Variants in EDIL3 observed in about 807,000 individuals in gnomAD.
EDIL3 encodes the protein EGF-like repeat and discoidin I-like domain-containing protein 3.
A neutral mutation model predicts 67.4 loss-of-function variants in EDIL3; 37 were observed. The ratio of observed to expected loss-of-function variants is 0.55; its 90% confidence interval spans 0.42 to 0.72. The LOEUF is 0.72. Among genes scored for constraint, EDIL3 ranks in the 30% least tolerant of loss-of-function variants. EDIL3 has a pLI of 0.00. For missense variants in EDIL3, 527 were observed against 586.3 expected (o/e 0.90, Z 1.04); for synonymous variants, 195 against 196.3 (o/e 0.99, Z 0.05).
At chr5:84,214,593 A>C (rs949585484) in intron 3 of EDIL3, among the ~76,000 whole-genome samples, 1 of 152,174 alleles carries the variant, frequency 6.6e-6, no homozygotes, top group Non-Finnish European at 1.5e-5. Flanking sequence ...CCTGTAATTT[A>C]CAGCATCTTT....
chr5:84,164,892 C>T (rs1649362673), intron 4 of EDIL3, among the ~76,000 whole-genome samples: 2 of 151,954 alleles, frequency 1.3e-5, no homozygotes, highest in Admixed American at 1.3e-4. Context: ...AAGTAGAAAT[C>T]CTAGGAGCGT....
intron 3 of EDIL3, among the ~76,000 whole-genome samples, chr5:84,184,776 T>C (rs1420901945): frequency 1.3e-5 from 2 of 152,206 alleles, no homozygotes; most frequent in Non-Finnish European, 2.9e-5. Context: ...TCCAGCAATC[T>C]TGGGGCAGCC....
chr5:84,291,821 A>G (rs947218349), intron 1 of EDIL3, among the ~76,000 whole-genome samples: 1 of 148,106 alleles, frequency 6.8e-6, no homozygotes, highest in Non-Finnish European at 1.5e-5. Flanking sequence ...ACACATATAT[A>G]TACACACACA....
intron 5 of EDIL3, among the ~76,000 whole-genome samples, chr5:84,120,878 T>A (rs555709363): frequency 6.6e-6 from 1 of 151,690 alleles, no homozygotes; most frequent in South Asian, 2.1e-4. Flanking sequence ...GTAAAAAAAA[T>A]ATGAAAAGGA....
chr5:84,305,191 C>T (rs1243346031), intron 1 of EDIL3, among the ~76,000 whole-genome samples: 2 of 152,074 alleles, frequency 1.3e-5, no homozygotes, highest in Non-Finnish European at 2.9e-5. Context: ...CAGATTTCAC[C>T]CTTTTGTGAT....
intron 3 of EDIL3, among the ~76,000 whole-genome samples, chr5:84,187,575 T>A (rs1743491720): frequency 1.3e-5 from 2 of 152,112 alleles, no homozygotes; most frequent in Non-Finnish European, 2.9e-5. Context: ...GCATAGTTTT[T>A]ACTAGTTGTT....
intron 2 of EDIL3, among the ~76,000 whole-genome samples, chr5:84,236,330 C>T (rs1448706068): frequency 6.6e-6 from 1 of 152,218 alleles, no homozygotes; most frequent in East Asian, 1.9e-4. Context: ...AGGACAAATT[C>T]TCTTACTTAA....
intron 3 of EDIL3, among the ~76,000 whole-genome samples, chr5:84,189,517 A>G (rs1021614138): frequency 2.0e-5 from 3 of 152,048 alleles, no homozygotes; most frequent in Non-Finnish European, 4.4e-5. Flanking sequence ...GACTTTAAAG[A>G]AAATTAATAA....
At chr5:84,160,083 T>C (rs1158186495) in intron 4 of EDIL3, among the ~76,000 whole-genome samples, 2 of 152,152 alleles carry the variant, frequency 1.3e-5, no homozygotes, top group Non-Finnish European at 2.9e-5. Context: ...AATAGTCACA[T>C]TGTGATAAAA....
intron 6 of EDIL3, among the ~76,000 whole-genome samples, chr5:84,067,347 C>T (rs1349066177): frequency 6.6e-6 from 1 of 151,994 alleles, no homozygotes; most frequent in African/African-American, 2.4e-5. Context: ...ATAGAGATAT[C>T]TTTTTGACAC....
At chr5:84,142,390 CT>C (rs1246558056) in intron 4 of EDIL3, among the ~76,000 whole-genome samples, 1 of 151,938 alleles carries the variant, frequency 6.6e-6, no homozygotes, top group Non-Finnish European at 1.5e-5. Context: ...TCTCTGGAGA[CT>C]TTTAAAACTA....
chr5:84,107,673 T>C (rs943354863), intron 5 of EDIL3, among the ~76,000 whole-genome samples: 20 of 150,988 alleles, frequency 1.3e-4, no homozygotes, highest in African/African-American at 3.6e-4. Context: ...TCAAATGATA[T>C]GTTCTCAGAT....
chr5:84,198,453 C>T (rs1047857416), intron 3 of EDIL3, among the ~76,000 whole-genome samples: 9 of 151,858 alleles, frequency 5.9e-5, no homozygotes, highest in African/African-American at 1.9e-4. Context: ...CATATATATG[C>T]CTATATACAT....
chr5:84,221,948 C>A (rs1209197117), intron 3 of EDIL3, among the ~76,000 whole-genome samples: 1 of 151,850 alleles, frequency 6.6e-6, no homozygotes, highest in Non-Finnish European at 1.5e-5. Context: ...AATCAGAATG[C>A]ACAACCAACC....
At chr5:84,055,513 G>C (rs1419273987) in intron 9 of EDIL3, among the ~76,000 whole-genome samples, 1 of 151,012 alleles carries the variant, frequency 6.6e-6, no homozygotes, top group Non-Finnish European at 1.5e-5. Flanking sequence ...CCATCAGAGT[G>C]AACAGGCAAC....
chr5:84,220,439 A>G (rs1268752732), intron 3 of EDIL3, among the ~76,000 whole-genome samples: 1 of 152,220 alleles, frequency 6.6e-6, no homozygotes, highest in Admixed American at 6.5e-5. Flanking sequence ...ATTGAGATGT[A>G]CACCAAATTT....
chr5:83,971,808 A>G (rs566607780), intron 9 of EDIL3, among the ~76,000 whole-genome samples: 1 of 152,154 alleles, frequency 6.6e-6, no homozygotes, highest in East Asian at 2.0e-4. Flanking sequence ...CTTTCTACCA[A>G]TGCCCAGCAG....
At chr5:84,189,229 G>T (rs924734767) in intron 3 of EDIL3, among the ~76,000 whole-genome samples, 1 of 151,938 alleles carries the variant, frequency 6.6e-6, no homozygotes, top group Admixed American at 6.6e-5. Context: ...TAACTAGGTA[G>T]AATCCAGAAT....
intron 3 of EDIL3, among the ~76,000 whole-genome samples, chr5:84,189,502 A>C (rs1743535726): frequency 6.6e-6 from 1 of 152,042 alleles, no homozygotes; most frequent in Non-Finnish European, 1.5e-5. Context: ...ATTAAATATT[A>C]ATATGACTTT....
Sources: allele counts gnomAD v4.1 joint callset (sites outside exome capture counted in the v4.1 genomes callset), GRCh38; gene constraint gnomAD v4.1.1; transcripts MANE v1.5; gene names NCBI Gene and HGNC (gene_info 2026-07-23, HGNC 2026-07-21).